Variants in TRMT44 observed in about 807,000 individuals in gnomAD.
The protein encoded by TRMT44 is probable tRNA (uracil-O(2)-)-methyltransferase.
TRMT44 carries 78 observed loss-of-function variants against 77.3 expected under a neutral mutation model. The ratio of observed to expected loss-of-function variants is 1.01; its 90% CI spans 0.84 to 1.22. The LOEUF is 1.22. Ranked by LOEUF, TRMT44 falls within the 50% of genes most tolerant of loss-of-function variation. TRMT44 has a pLI of 0.00. For missense variants in TRMT44, 1,090 were observed against 964.4 expected (o/e 1.13, Z -1.73); for synonymous variants, 391 against 383.3 (o/e 1.02, Z -0.23).
At chr4:8,485,199 C>T (rs978211493) in intron 2 of TRMT44, among the ~76,000 whole-genome samples, 1 of 152,102 alleles carries the variant, frequency 6.6e-6, no homozygotes, top group Admixed American at 6.5e-5. Flanking sequence ...AGGGTCAATC[C>T]AGGTGAAAGC....
intron 2 of TRMT44, among the ~76,000 whole-genome samples, chr4:8,492,775 A>C (rs544844951): frequency 1.1e-4 from 16 of 152,196 alleles, no homozygotes; most frequent in Non-Finnish European, 1.9e-4. Flanking sequence ...CAGAAACTCA[A>C]AAGAATGCAA....
intron 2 of TRMT44, among the ~76,000 whole-genome samples, chr4:8,485,291 G>A (rs1028545452): frequency 6.6e-6 from 1 of 152,176 alleles, no homozygotes; most frequent in Non-Finnish European, 1.5e-5. Context: ...GAGTTGTGGA[G>A]GGAGGTATTG....
At chr4:8,491,147 C>T (rs1235529298) in intron 2 of TRMT44, among the ~76,000 whole-genome samples, 2 of 151,664 alleles carry the variant, frequency 1.3e-5, no homozygotes, top group East Asian at 1.9e-4. Context: ...ACAGAGTGTC[C>T]GATTGGTGTA....
At chr4:8,442,652 A>G (rs917373322) in intron 1 of TRMT44, among the ~76,000 whole-genome samples, 1 of 152,230 alleles carries the variant, frequency 6.6e-6, no homozygotes. Context: ...ATCTGTTCTC[A>G]GGCTCATTCA....
chr4:8,450,302 G>T (rs1220990440), intron 3 of TRMT44, among the ~76,000 whole-genome samples: 3 of 151,770 alleles, frequency 2.0e-5, no homozygotes, highest in African/African-American at 7.3e-5. Flanking sequence ...CCTGTTGCAG[G>T]CTGTACTTTG....
intron 6 of TRMT44, among the ~76,000 whole-genome samples, chr4:8,462,760 C>A (rs1332301746): frequency 6.6e-6 from 1 of 152,108 alleles, no homozygotes; most frequent in Non-Finnish European, 1.5e-5. Flanking sequence ...ACAGGTGGGG[C>A]TTTGATATCT....
At chr4:8,450,029 T>C in intron 3 of TRMT44, 141 bp downstream of exon 3, 1 of 553,394 alleles carries the variant, frequency 1.8e-6, no homozygotes, top group Non-Finnish European at 3.0e-6. Context: ...TGAAGTGGTG[T>C]GATCTTGGCT....
chr4:8,470,127 A>G (rs185559522), intron 9 of TRMT44, among the ~76,000 whole-genome samples: 76 of 152,330 alleles, frequency 5.0e-4, no homozygotes, highest in African/African-American at 1.8e-3. Context: ...GGCAACAGGG[A>G]AGGCTGACTG....
chr4:8,459,962 G>A (rs1046111002), intron 6 of TRMT44, among the ~76,000 whole-genome samples: 1 of 152,168 alleles, frequency 6.6e-6, no homozygotes, highest in Admixed American at 6.5e-5. Flanking sequence ...GGGCCAGGGT[G>A]GGCTACAGAC....
chr4:8,499,281 T>G, the TRMT44 span, among the ~76,000 whole-genome samples: 2 of 152,046 alleles, frequency 1.3e-5, no homozygotes, highest in African/African-American at 2.4e-5. Flanking sequence ...ATCTTCAGCC[T>G]GGGCCCCCTG....
chr4:8,497,219 T>C (rs2109244718), downstream of TRMT44, among the ~76,000 whole-genome samples: 1 of 152,354 alleles, frequency 6.6e-6, no homozygotes, highest in Admixed American at 6.5e-5. Context: ...CTTAGTCTCT[T>C]AAGCATGATT....
At chr4:8,453,074 G>A (rs1053175486) in intron 5 of TRMT44, 85 bp downstream of exon 5, 2 of 737,934 alleles carry the variant, frequency 2.7e-6, no homozygotes, top group Non-Finnish European at 4.2e-6. Context: ...ATCTTTTTCT[G>A]CTGATACAGC....
chr4:8,452,870 C>T lies in TRMT44; in HGVS notation c.1024-12C>T. ...TACCACCTGACTTTGTTTTGTTTTT[C>T]TCTTCACTTAGATTCTATGGGAAGA... On this transcript the variant is annotated splice_polypyrimidine_tract_variant and intron_variant, in intron 4 of 10. Transcript: ENST00000389737. The surrounding 1 kb of genome is among the most constrained non-coding windows in gnomAD (Gnocchi z 5.7). The T allele has an allele frequency of 6.8e-7, 1 of 1,475,820 alleles. No individual in the cohort carries two copies. The highest frequency in any genetic ancestry group is 9.1e-7 in the Non-Finnish European group (1 of 1,101,612). The allele number at this position is 1,475,820 out of a possible 1,614,324, so 91.4% of individuals were successfully genotyped here. A position where few individuals can be genotyped will look rare whatever the true frequency, so the allele number is the denominator to read the frequency against.
chr4:8,515,676 G>C, the TRMT44 span, among the ~76,000 whole-genome samples: 24 of 152,268 alleles, frequency 1.6e-4, no homozygotes, highest in East Asian at 4.5e-3. Context: ...CTGGGCTAGG[G>C]GTTGGGGTGC....
At chr4:8,470,982 C>T (rs548523908) in intron 9 of TRMT44, 102 bp from the exon 10 acceptor site, 43 of 761,554 alleles carry the variant, frequency 5.6e-5, no homozygotes, top group African/African-American at 4.7e-4. Flanking sequence ...GTGCATAACG[C>T]GTGTGAGTGT....
Position 8,488,823 on chromosome 4 carries a change from T to A in TRMT44, n.3892-4443T>A, listed in dbSNP as rs147368214. 3.5e-3 allele frequency among the ~76,000 whole-genome samples: 539 copies of A among 152,264 alleles called. 3 individuals carry two copies. Among genetic ancestry groups the A allele is most frequent in the Non-Finnish European group, 6.3e-3 (431 of 68,022 alleles). On this transcript the variant is annotated intron_variant and non_coding_transcript_variant, in intron 2 of 2. Coordinates refer to the TRMT44 transcript ENST00000511366. ...GAAGCTATAGCCCAGGCAAAGGACCTCCTCAGCCAGGAGGACTTAAAAGCT... is the reference window on the plus strand; with the variant it reads ...GAAGCTATAGCCCAGGCAAAGGACCACCTCAGCCAGGAGGACTTAAAAGCT...
intron 8 of TRMT44, 118 bp from the exon 9 acceptor site, chr4:8,467,796 T>G: frequency 6.0e-6 from 7 of 1,174,482 alleles, no homozygotes; most frequent in Non-Finnish European, 4.8e-6. Flanking sequence ...TAAATCAGGA[T>G]TTTTTCATGA....
intron 8 of TRMT44, among the ~76,000 whole-genome samples, chr4:8,467,090 G>A (rs922760444): frequency 6.6e-6 from 1 of 152,212 alleles, no homozygotes; most frequent in African/African-American, 2.4e-5. Flanking sequence ...ACCCTCCATC[G>A]GGGTGTGCGG....
chr4:8,451,926 G>C lies in TRMT44; in HGVS notation c.955-34G>C. The C allele has an allele frequency of 6.5e-7, 1 of 1,531,614 alleles. No homozygotes were observed. Among genetic ancestry groups the C allele is most frequent in the South Asian group, 1.2e-5 (1 of 83,912 alleles). The allele number at this position is 1,531,614 out of a possible 1,614,324, so 94.9% of individuals were successfully genotyped here. A position where few individuals can be genotyped will look rare whatever the true frequency, so the allele number is the denominator to read the frequency against. On this transcript the variant is annotated intron_variant, in intron 3 of 10. Transcript: ENST00000389737. The surrounding 1 kb of genome is among the most constrained non-coding windows in gnomAD (Gnocchi z 4.1). ...ATTGGGAAATGGTGGTGGGGAAACC[G>C]AACAATTTATGTTTGCTCTTGAAAC...
Sources: allele counts gnomAD v4.1 joint callset (sites outside exome capture counted in the v4.1 genomes callset), GRCh38; gene constraint gnomAD v4.1.1; non-coding constraint Gnocchi (gnomAD v3.1); transcripts MANE v1.5; gene names NCBI Gene and HGNC (gene_info 2026-07-23, HGNC 2026-07-21).